The following GALNT13 variants were observed in gnomAD, a reference collection of about 807,000 sequenced individuals.
GALNT13 encodes polypeptide N-acetylgalactosaminyltransferase 13, also known as UDP-GalNAc:polypeptide N-acetylgalactosaminyltransferase 13.
In GALNT13, 28 loss-of-function variants were observed where a neutral mutation model predicts 64.2. The observed-to-expected ratio is 0.44, with a 90% CI of 0.32 to 0.60. The LOEUF is 0.60. Among genes scored for constraint, GALNT13 ranks in the 20% least tolerant of loss-of-function variants. GALNT13 has a pLI of 0.05. For missense variants in GALNT13, 577 were observed against 669.8 expected (o/e 0.86, Z 1.53); for synonymous variants, 214 against 224.6 (o/e 0.95, Z 0.42).
chr2:153,217,119 T>C, the GALNT13 span, among the ~76,000 whole-genome samples: 8 of 152,060 alleles, frequency 5.3e-5, no homozygotes, highest in African/African-American at 1.4e-4. Context: ...ATTGTTTTTA[T>C]ATACATGTGT....
chr2:154,187,866 C>G (rs1686345461), intron 4 of GALNT13, among the ~76,000 whole-genome samples: 2 of 152,116 alleles, frequency 1.3e-5, no homozygotes, highest in South Asian at 4.2e-4. Context: ...CCATAAGTGA[C>G]AGAAATGCAA....
chr2:153,808,981 C>G, the GALNT13 span, among the ~76,000 whole-genome samples: 1 of 152,174 alleles, frequency 6.6e-6, no homozygotes. Flanking sequence ...GACTGTTTTA[C>G]CCTTAAATTT....
At chr2:153,372,432 T>C in the GALNT13 span, among the ~76,000 whole-genome samples, 15 of 152,112 alleles carry the variant, frequency 9.9e-5, no homozygotes, top group South Asian at 2.9e-3. Flanking sequence ...TGGATCACGA[T>C]GTCAAGAGAT....
rs545053969 is a variant in GALNT13, at chr2:154,020,149, G to T, written c.142+75510G>T. 3.2e-4 allele frequency among the ~76,000 whole-genome samples: 48 copies of T among 152,158 alleles called. 2 individuals carry two copies. In the South Asian group the frequency reaches 9.8e-3, roughly 31 times the overall value. ...AGTCTTTGCTATTGTGAATAGTGCCGCAATAAACATATGTGTGCATGTGTC... is the reference window on the plus strand; with the variant it reads ...AGTCTTTGCTATTGTGAATAGTGCCTCAATAAACATATGTGTGCATGTGTC... On this transcript the variant is annotated intron_variant, in intron 3 of 12. Transcript: ENST00000392825.
chr2:154,352,222 C>T (rs2105258734), intron 9 of GALNT13, among the ~76,000 whole-genome samples: 1 of 152,290 alleles, frequency 6.6e-6, no homozygotes, highest in African/African-American at 2.4e-5. Context: ...TTTACATGAA[C>T]CGGCCTCATC....
At chr2:153,909,842 T>G (rs192323978) in intron 2 of GALNT13, among the ~76,000 whole-genome samples, 320 of 152,308 alleles carry the variant, frequency 2.1e-3, no homozygotes, top group African/African-American at 7.4e-3. Flanking sequence ...GGTATTTTGT[T>G]GAGGATTTTT....
the GALNT13 span, among the ~76,000 whole-genome samples, chr2:153,432,251 G>A: frequency 1.5e-4 from 23 of 152,128 alleles, no homozygotes; most frequent in African/African-American, 5.3e-4. Flanking sequence ...CCACAGGATA[G>A]TATTCCAAAG....
chr2:154,094,911 T>G (rs2105448268), intron 3 of GALNT13, among the ~76,000 whole-genome samples: 1 of 152,020 alleles, frequency 6.6e-6, no homozygotes, highest in East Asian at 1.9e-4. Flanking sequence ...ACATAAATAA[T>G]ATGTATATTA....
At chr2:153,561,641 C>CTGTGTGTG in the GALNT13 span, among the ~76,000 whole-genome samples, 1,381 of 146,566 alleles carry the variant, frequency 9.4e-3, 8 homozygotes, top group African/African-American at 0.016. Flanking sequence ...GATGTTCAAC[C>CTGTGTGTG]TGTGTGTGTG....
intron 3 of GALNT13, among the ~76,000 whole-genome samples, chr2:154,057,592 G>A (rs1300909787): frequency 2.6e-5 from 4 of 152,174 alleles, no homozygotes; most frequent in African/African-American, 9.7e-5. Context: ...TGTATTAAAT[G>A]CAATAGCGGA....
chr2:154,033,421 A>G (rs939140681), intron 3 of GALNT13, among the ~76,000 whole-genome samples: 2 of 152,126 alleles, frequency 1.3e-5, no homozygotes, highest in East Asian at 3.9e-4. Context: ...ATTAATTGAC[A>G]AAGGATTTAT....
the GALNT13 span, among the ~76,000 whole-genome samples, chr2:153,640,876 T>A: frequency 6.6e-6 from 1 of 152,138 alleles, no homozygotes; most frequent in Admixed American, 6.6e-5. Context: ...AGTGGCAACT[T>A]TCTTACTAAT....
the GALNT13 span, among the ~76,000 whole-genome samples, chr2:153,830,780 T>G: frequency 6.6e-6 from 1 of 152,176 alleles, no homozygotes; most frequent in Non-Finnish European, 1.5e-5. Context: ...TCATTTTTGC[T>G]TTAATAACTT....
intron 9 of GALNT13, among the ~76,000 whole-genome samples, chr2:154,302,200 G>A (rs1254282199): frequency 6.6e-6 from 1 of 151,882 alleles, no homozygotes; most frequent in Non-Finnish European, 1.5e-5. Context: ...GGAAAAAAAT[G>A]AGAAAATCCT....
chr2:153,782,788 G>A, the GALNT13 span, among the ~76,000 whole-genome samples: 1 of 152,038 alleles, frequency 6.6e-6, no homozygotes, highest in Non-Finnish European at 1.5e-5. Flanking sequence ...CTACCCTTTG[G>A]GAATCATTAT....
chr2:153,689,207 A>G, the GALNT13 span, among the ~76,000 whole-genome samples: 2 of 151,978 alleles, frequency 1.3e-5, no homozygotes, highest in African/African-American at 4.8e-5. Flanking sequence ...GTTAATCCAC[A>G]TTCATGCCAA....
the GALNT13 span, among the ~76,000 whole-genome samples, chr2:153,266,351 A>G: frequency 6.6e-6 from 1 of 152,212 alleles, no homozygotes; most frequent in Non-Finnish European, 1.5e-5. Context: ...ATGTTATTTC[A>G]TTGAACCTTA....
chr2:154,069,914 G>A (rs1700656091), intron 3 of GALNT13, among the ~76,000 whole-genome samples: 1 of 152,036 alleles, frequency 6.6e-6, no homozygotes, highest in South Asian at 2.1e-4. Flanking sequence ...GATGGATATT[G>A]GATAAAGAGT....
the GALNT13 span, among the ~76,000 whole-genome samples, chr2:153,438,778 C>A: frequency 6.6e-6 from 1 of 152,216 alleles, no homozygotes; most frequent in South Asian, 2.1e-4. Flanking sequence ...AGACTTCCTC[C>A]TTTAGCTCAG....
Sources: gnomAD v4.1 joint callset for allele counts (sites outside exome capture counted in the v4.1 genomes callset) on GRCh38, gnomAD v4.1.1 for gene constraint, MANE v1.5 for transcripts, NCBI Gene and HGNC (gene_info 2026-07-23, HGNC 2026-07-21) for gene names.